The following ITGBL1 variants were observed in gnomAD, a reference collection of about 807,000 sequenced individuals.
ITGBL1 encodes integrin subunit beta like 1, also known as integrin beta-like protein 1.
Under a neutral mutation model 68.5 loss-of-function variants are expected in ITGBL1, and 51 were observed. The observed-to-expected ratio is 0.74, with a 90% CI of 0.59 to 0.94. The LOEUF (loss-of-function observed/expected upper bound fraction) is 0.94, where lower values mean the gene tolerates loss of function less well. Ranked by LOEUF, ITGBL1 falls within the 40% of genes least tolerant of loss-of-function variation. The probability of loss-of-function intolerance (pLI) is 0.00; values close to 1 mark genes in which losing one functional copy is unlikely to be tolerated. For synonymous variants in ITGBL1, 209 were observed against 227.3 expected (o/e 0.92, Z 0.72); for missense variants, 649 against 647.4 (o/e 1.00, Z -0.03).
At chr13:101,470,166 A>G (rs1007183117) in intron 2 of ITGBL1, among the ~76,000 whole-genome samples, 4 of 152,176 alleles carry the variant, frequency 2.6e-5, no homozygotes, top group African/African-American at 9.7e-5. Context: ...GTTTTCTTAC[A>G]GTTGACTGCA....
In ITGBL1 at chr13:101,714,488, T is replaced by C. The variant is rs1424298234; in HGVS notation, c.1330T>C (p.Ser444Pro). Residue 444 changes from serine (S) to proline (P), a missense_variant, in exon 10 of 11, where the codon TCT (serine) becomes CCT (proline). Coordinates refer to ENST00000376180, the MANE Select transcript of ITGBL1 (RefSeq NM_004791.3). ...CICSAEEWYI[S>P]GEFCDCDDRD... ...TTGTTCTGCTGAAGAGTGGTATATTTCTGGGGAGTTCTGTGACTGTGATGA... is the reference window on the plus strand; with the variant it reads ...TTGTTCTGCTGAAGAGTGGTATATTCCTGGGGAGTTCTGTGACTGTGATGA... 13 of 1,613,066 alleles carry C rather than the reference T, an allele frequency of 8.1e-6. No homozygotes were observed. Among genetic ancestry groups the C allele is most frequent in the Non-Finnish European group, 1.7e-6 (2 of 1,179,164 alleles).
chr13:101,705,067 C>T (rs557373828), intron 8 of ITGBL1, among the ~76,000 whole-genome samples: 3 of 152,060 alleles, frequency 2.0e-5, no homozygotes, highest in South Asian at 2.1e-4. Flanking sequence ...GTCCCCCATT[C>T]GTATCCGATG....
intron 7 of ITGBL1, among the ~76,000 whole-genome samples, chr13:101,664,735 G>A (rs1222545483): frequency 6.6e-6 from 1 of 152,034 alleles, no homozygotes; most frequent in African/African-American, 2.4e-5. Flanking sequence ...ATTCTTGTTT[G>A]TTTGGTTGGT....
intron 2 of ITGBL1, among the ~76,000 whole-genome samples, chr13:101,562,602 A>G (rs1469264906): frequency 4.6e-5 from 7 of 152,010 alleles, no homozygotes; most frequent in Non-Finnish European, 1.0e-4. Context: ...ACACAATGAA[A>G]AAGTAATTAT....
intron 2 of ITGBL1, among the ~76,000 whole-genome samples, chr13:101,521,950 T>C (rs1367460335): frequency 6.6e-6 from 1 of 151,940 alleles, no homozygotes; most frequent in Non-Finnish European, 1.5e-5. Context: ...GCATCTCTCC[T>C]TGGCTAACAG....
intron 9 of ITGBL1, among the ~76,000 whole-genome samples, 165 bp downstream of exon 9, chr13:101,707,067 TGG>T (rs2034279815): frequency 6.6e-6 from 1 of 152,216 alleles, no homozygotes. Context: ...AATGAAGTTT[TGG>T]ATCTAAGAAA....
chr13:101,521,757 G>A (rs760291573), intron 2 of ITGBL1, among the ~76,000 whole-genome samples: 5 of 152,016 alleles, frequency 3.3e-5, no homozygotes, highest in African/African-American at 9.7e-5. Context: ...TTTACAATCC[G>A]CACAAGTAAA....
At chr13:101,497,908 G>A (rs1172645095) in intron 2 of ITGBL1, among the ~76,000 whole-genome samples, 2 of 150,552 alleles carry the variant, frequency 1.3e-5, no homozygotes, top group Non-Finnish European at 3.0e-5. Context: ...CTCTGCTCTT[G>A]GATTCAAAGA....
chr13:101,630,117 T>C (rs1481293901), intron 7 of ITGBL1, among the ~76,000 whole-genome samples: 1 of 152,204 alleles, frequency 6.6e-6, no homozygotes, highest in Non-Finnish European at 1.5e-5. Flanking sequence ...CCACCGCGCC[T>C]GGCCTTATTT....
intron 2 of ITGBL1, among the ~76,000 whole-genome samples, chr13:101,554,175 C>T (rs2049968072): frequency 6.6e-6 from 1 of 152,134 alleles, no homozygotes; most frequent in Non-Finnish European, 1.5e-5. Flanking sequence ...CACCCTATTT[C>T]CAAATAAGGT....
At chr13:101,493,545 G>T (rs939428799) in intron 2 of ITGBL1, among the ~76,000 whole-genome samples, 1 of 151,988 alleles carries the variant, frequency 6.6e-6, no homozygotes, top group Non-Finnish European at 1.5e-5. Context: ...TCTTTGTCCG[G>T]GACGTGCTTC....
chr13:101,481,645 C>T (rs998875139), intron 2 of ITGBL1, among the ~76,000 whole-genome samples: 1 of 152,142 alleles, frequency 6.6e-6, no homozygotes, highest in Non-Finnish European at 1.5e-5. Context: ...CCACGCCCAT[C>T]ATGCTCTGAT....
chr13:101,627,196 A>AT (rs963452897), intron 7 of ITGBL1, among the ~76,000 whole-genome samples: 12 of 151,510 alleles, frequency 7.9e-5, no homozygotes, highest in African/African-American at 2.2e-4. Flanking sequence ...CTTTCATGTA[A>AT]TTTTTTTTTA....
chr13:101,709,035 AAAC>A (rs1022881771), intron 9 of ITGBL1, among the ~76,000 whole-genome samples: 1 of 152,236 alleles, frequency 6.6e-6, no homozygotes, highest in African/African-American at 2.4e-5. Context: ...AAAAGGAAGA[AAAC>A]AAGGGAAAGA....
At chr13:101,488,327 AACTG>A (rs2048728587) in intron 2 of ITGBL1, among the ~76,000 whole-genome samples, 1 of 152,176 alleles carries the variant, frequency 6.6e-6, no homozygotes. Context: ...GTATACATTT[AACTG>A]ACTCTCTATA....
intron 2 of ITGBL1, among the ~76,000 whole-genome samples, chr13:101,464,585 T>G (rs2048358653): frequency 6.6e-6 from 1 of 152,132 alleles, no homozygotes; most frequent in Non-Finnish European, 1.5e-5. Context: ...TATTTATGCT[T>G]GTATAGCCAA....
At chr13:101,693,654 C>CTATCTATG (rs1404893052) in intron 8 of ITGBL1, among the ~76,000 whole-genome samples, 1 of 152,078 alleles carries the variant, frequency 6.6e-6, no homozygotes, top group East Asian at 1.9e-4. Flanking sequence ...ATCTATCTAT[C>CTATCTATG]TATCTATCTA....
At chr13:101,561,886 T>C (rs554548303) in intron 2 of ITGBL1, among the ~76,000 whole-genome samples, 1 of 152,216 alleles carries the variant, frequency 6.6e-6, no homozygotes, top group African/African-American at 2.4e-5. Context: ...CACAAAGAAA[T>C]GAAGAGCAAT....
Position 101,505,337 on chromosome 13 carries a change from C to T in ITGBL1, c.316+51237C>T, listed in dbSNP as rs2049010223. The stretch of plus-strand genomic sequence containing the variant: ...TATTTTATGAACACTTCCTGAGTCC[C>T]TACTGTGGACTGGATGTGCATGTTC... On this transcript the variant is annotated intron_variant, in intron 2 of 10. Transcript: ENST00000376180. 3.3e-5 allele frequency among the ~76,000 whole-genome samples: 5 copies of T among 152,010 alleles called. No individual in the cohort carries two copies. In the South Asian group the frequency reaches 8.3e-4, roughly 25 times the overall value.
Sources: allele counts gnomAD v4.1 joint callset (sites outside exome capture counted in the v4.1 genomes callset), GRCh38; gene constraint gnomAD v4.1.1; transcripts MANE v1.5; gene names NCBI Gene and HGNC (gene_info 2026-07-23, HGNC 2026-07-21).